Variants in CREM observed in about 807,000 individuals in gnomAD.
CREM encodes cAMP-responsive element modulator.
In CREM, 13 loss-of-function variants were observed where a neutral mutation model predicts 37.3. That is an observed-to-expected ratio of 0.35 (90% CI 0.23 to 0.55). CREM has a LOEUF of 0.55. CREM is among the 20% of genes least tolerant of loss of function. The probability of loss-of-function intolerance (pLI) is 0.88; values close to 1 mark genes in which losing one functional copy is unlikely to be tolerated. For missense variants in CREM, 296 were observed against 362.3 expected, an observed-to-expected ratio of 0.82 and a Z score of 1.49; for synonymous variants, 124 against 120.2, an observed-to-expected ratio of 1.03 and a Z score of -0.21.
intron 3 of CREM, among the ~76,000 whole-genome samples, chr10:35,169,645 G>A (rs578245645): frequency 1.3e-5 from 2 of 152,306 alleles, no homozygotes; most frequent in African/African-American, 2.4e-5. Context: ...TAGGAGTGGT[G>A]AGAGAGGGCA....
chr10:35,152,013 T>C (rs2092631452), intron 3 of CREM, among the ~76,000 whole-genome samples: 1 of 152,256 alleles, frequency 6.6e-6, no homozygotes, highest in African/African-American at 2.4e-5. Context: ...AGTGACTGAC[T>C]CTTCTGAATT....
chr10:35,144,173 T>C (rs889327807), intron 2 of CREM, among the ~76,000 whole-genome samples: 2 of 152,102 alleles, frequency 1.3e-5, no homozygotes, highest in Non-Finnish European at 2.9e-5. Context: ...GAGGTTACAG[T>C]GGACAGTGCC....
chr10:35,158,821 GTTTT>G (rs1271855315), intron 3 of CREM, among the ~76,000 whole-genome samples: 3 of 62,374 alleles, frequency 4.8e-5, no homozygotes, highest in Admixed American at 3.2e-4. Flanking sequence ...TGTTTTGTTT[GTTTT>G]TTTTTTTTTT....
intron 3 of CREM, among the ~76,000 whole-genome samples, chr10:35,162,556 AAAGT>A (rs1165261301): frequency 6.6e-6 from 1 of 152,102 alleles, no homozygotes; most frequent in Non-Finnish European, 1.5e-5. Context: ...TTCAAAATGT[AAAGT>A]AAGAACATTT....
chr10:35,130,013 A>G (rs949195568), intron 1 of CREM, among the ~76,000 whole-genome samples: 2 of 151,824 alleles, frequency 1.3e-5, no homozygotes, highest in African/African-American at 2.4e-5. Flanking sequence ...CCTAACCAAC[A>G]TGAAGAAACC....
At chr10:35,195,620 C>G (rs1393164495) in intron 6 of CREM, among the ~76,000 whole-genome samples, 1 of 152,144 alleles carries the variant, frequency 6.6e-6, no homozygotes, top group Non-Finnish European at 1.5e-5. Flanking sequence ...ATTAAACATA[C>G]AGTATATACC....
intron 1 of CREM, among the ~76,000 whole-genome samples, chr10:35,136,183 T>G (rs772523021): frequency 6.7e-6 from 1 of 148,938 alleles, no homozygotes; most frequent in Non-Finnish European, 1.5e-5. Context: ...ACCACAAGAA[T>G]GTATTACTTA....
intron 3 of CREM, among the ~76,000 whole-genome samples, chr10:35,162,975 C>A (rs1199927205): frequency 5.9e-5 from 9 of 151,746 alleles, no homozygotes; most frequent in African/African-American, 1.9e-4. Context: ...CTTTGGGAGG[C>A]CAAGTCAGGA....
intron 2 of CREM, among the ~76,000 whole-genome samples, chr10:35,139,765 A>G (rs1273733035): frequency 6.6e-6 from 1 of 152,208 alleles, no homozygotes; most frequent in Non-Finnish European, 1.5e-5. Flanking sequence ...ATTTTAATGT[A>G]TTTAGCTATA....
intron 1 of CREM, among the ~76,000 whole-genome samples, chr10:35,137,375 TAAA>T (rs1564792923): frequency 6.6e-6 from 1 of 152,180 alleles, no homozygotes; most frequent in Admixed American, 6.5e-5. Flanking sequence ...AAGGAAATAA[TAAA>T]TTCATTAATT....
intron 7 of CREM, among the ~76,000 whole-genome samples, 184 bp from the exon 8 acceptor site, chr10:35,211,070 C>A (rs2095655281): frequency 6.6e-6 from 1 of 152,174 alleles, no homozygotes; most frequent in Admixed American, 6.5e-5. Flanking sequence ...GTTCTCAAAT[C>A]ATTCCTGTTG....
chr10:35,145,587 C>T (rs772227198), intron 2 of CREM, among the ~76,000 whole-genome samples: 12 of 152,028 alleles, frequency 7.9e-5, no homozygotes, highest in Non-Finnish European at 1.8e-4. Context: ...TGAAGACCAG[C>T]GTGGCCAACA....
At chr10:35,185,510 C>G (rs938816215) in intron 5 of CREM, among the ~76,000 whole-genome samples, 4 of 152,134 alleles carry the variant, frequency 2.6e-5, no homozygotes, top group Non-Finnish European at 5.9e-5. Context: ...AATACACATT[C>G]AAATATATGA....
In CREM at chr10:35,211,740, C is replaced by T. The variant is rs1015204526; in HGVS notation, c.*342C>T. The T allele has an allele frequency of 2.5e-6, 4 of 1,613,984 alleles. No individual in the cohort carries two copies. In the Admixed American group the frequency reaches 5.0e-5, roughly 20 times the overall value. On this transcript the variant is annotated 3_prime_UTR_variant, in exon 8 of 8. Coordinates refer to ENST00000685392, the MANE Select transcript of CREM (RefSeq NM_183011.2). ...GAGTTGCAGTGCTGGAAGTCCAGAA[C>T]AAGAAGCTTATAGAGGAACTTGAAA...
Position 35,188,355 on chromosome 10 carries a change from T to G in CREM, c.565T>G (p.Phe189Val). The change falls in exon 6 of 8, where the codon TTC (phenylalanine) becomes GTC (valine). Residue 189 changes from phenylalanine to valine, a missense_variant. Transcript: ENST00000685392. ...ACAATCAGCTGATGGCACACAGCAG[T>G]TCTTTGTCCCAGGCAGCCAGGTTGT... Reference protein sequence around the residue: ...AAQSADGTQQFFVPGSQVVVQ... With the variant: ...AAQSADGTQQVFVPGSQVVVQ... The G allele has an allele frequency of 1.2e-6, 2 of 1,612,760 alleles. 1 individual carries two copies. The highest frequency in any genetic ancestry group is 2.2e-5 in the South Asian group (2 of 90,608).
intron 6 of CREM, among the ~76,000 whole-genome samples, chr10:35,203,300 C>G (rs1422635514): frequency 6.6e-6 from 1 of 152,132 alleles, no homozygotes; most frequent in Non-Finnish European, 1.5e-5. Flanking sequence ...CCTACCTTGG[C>G]CTTCCAAAAT....
intron 5 of CREM, among the ~76,000 whole-genome samples, chr10:35,187,153 ATAAT>A (rs1167884255): frequency 3.7e-5 from 2 of 54,366 alleles, no homozygotes; most frequent in Non-Finnish European, 6.8e-5. Context: ...TATAATATAT[ATAAT>A]ATATATTATA....
At chr10:35,192,167 C>A (rs1211042714) in intron 6 of CREM, among the ~76,000 whole-genome samples, 1 of 152,152 alleles carries the variant, frequency 6.6e-6, no homozygotes, top group Non-Finnish European at 1.5e-5. Flanking sequence ...GCTTTCTGAT[C>A]CTCCTAATCA....
At chr10:35,133,387 A>G (rs1389401365) in intron 1 of CREM, among the ~76,000 whole-genome samples, 1 of 150,558 alleles carries the variant, frequency 6.6e-6, no homozygotes, top group Admixed American at 6.6e-5. Flanking sequence ...GGCTCACTGC[A>G]GCCTTCGCCT....
Sources: gnomAD v4.1 joint callset for allele counts (sites outside exome capture counted in the v4.1 genomes callset) on GRCh38, gnomAD v4.1.1 for gene constraint, MANE v1.5 for transcripts, NCBI Gene and HGNC (gene_info 2026-07-23, HGNC 2026-07-21) for gene names.